The following NUFIP2 variants were observed in gnomAD, a reference collection of about 807,000 sequenced individuals.
The protein encoded by NUFIP2 is nuclear FMR1 interacting protein 2.
Under a neutral mutation model 56.9 loss-of-function variants are expected in NUFIP2, and 6 were observed. The ratio of observed to expected loss-of-function variants is 0.11; its 90% CI spans 0.06 to 0.21. The LOEUF is 0.21. Ranked by LOEUF, NUFIP2 falls within the 10% of genes least tolerant of loss-of-function variation. NUFIP2 has a pLI of 1.00. For missense variants in NUFIP2, 828 were observed against 826.8 expected (o/e 1.00, Z -0.02); for synonymous variants, 321 against 298.2 (o/e 1.08, Z -0.79).
chr17:29,280,780 G>T (rs2069134810), intron 2 of NUFIP2, among the ~76,000 whole-genome samples: 1 of 152,032 alleles, frequency 6.6e-6, no homozygotes, highest in African/African-American at 2.4e-5. Context: ...GAGGTCAAGA[G>T]TTCAAGACCA....
chr17:29,284,542 C>G (rs2069159383), intron 2 of NUFIP2, among the ~76,000 whole-genome samples: 1 of 151,418 alleles, frequency 6.6e-6, no homozygotes, highest in African/African-American at 2.4e-5. Context: ...CTCATCTCTA[C>G]TAAAAATATA....
At chr17:29,292,079 A>G (rs546305810) in intron 1 of NUFIP2, among the ~76,000 whole-genome samples, 16 of 152,332 alleles carry the variant, frequency 1.1e-4, no homozygotes, top group Admixed American at 7.8e-4. Flanking sequence ...ATAAACTATT[A>G]AACTCACTTC....
At chr17:29,280,721 C>G (rs549681234) in intron 2 of NUFIP2, among the ~76,000 whole-genome samples, 1 of 152,262 alleles carries the variant, frequency 6.6e-6, no homozygotes, top group East Asian at 1.9e-4. Context: ...TGTGGTGGCT[C>G]ATGCCTGTAA....
At chr17:29,280,484 AAG>A (rs930175193) in intron 2 of NUFIP2, among the ~76,000 whole-genome samples, 2 of 150,994 alleles carry the variant, frequency 1.3e-5, no homozygotes, top group African/African-American at 4.9e-5. Flanking sequence ...CCCAATACTT[AAG>A]GAGGCTGAAG....
chr17:29,263,782 A>G lies in NUFIP2; in HGVS notation c.*757T>C, dbSNP rs889030115. 2.6e-5 allele frequency: 4 copies of G among 152,610 alleles called. No homozygotes were observed. The highest frequency in any genetic ancestry group is 7.2e-5 in the African/African-American group (3 of 41,448). 9.5% of individuals were successfully genotyped at this position (152,610 alleles called of 1,614,324 possible). On this transcript the variant is annotated 3_prime_UTR_variant, in exon 4 of 4. Coordinates refer to ENST00000225388, the MANE Select transcript of NUFIP2 (RefSeq NM_020772.3). ...GACACGCATAGATTCTTCAGTTGTT[A>G]AAGTCCAATATGTAACCGAAGCCAA...
intron 1 of NUFIP2, among the ~76,000 whole-genome samples, chr17:29,291,126 A>G (rs1371589784): frequency 6.6e-6 from 1 of 152,026 alleles, no homozygotes; most frequent in Non-Finnish European, 1.5e-5. Context: ...AGTATGCTGG[A>G]AAGAAATTTT....
chr17:29,267,150 C>A (rs930993674), intron 3 of NUFIP2, among the ~76,000 whole-genome samples: 9 of 151,748 alleles, frequency 5.9e-5, no homozygotes, highest in African/African-American at 2.2e-4. Flanking sequence ...GTGATCCACC[C>A]GCCTCAGCCT....
chr17:29,275,907 A>C (rs1358775602), intron 2 of NUFIP2, among the ~76,000 whole-genome samples: 1 of 151,904 alleles, frequency 6.6e-6, no homozygotes, highest in Non-Finnish European at 1.5e-5. Flanking sequence ...GCGTGCCTGT[A>C]ATCCCAGCTA....
intron 1 of NUFIP2, among the ~76,000 whole-genome samples, chr17:29,289,901 G>A (rs767136716): frequency 6.6e-6 from 1 of 152,104 alleles, no homozygotes; most frequent in Admixed American, 6.5e-5. Flanking sequence ...CTTGTACCAC[G>A]AGAGAATACA....
intron 2 of NUFIP2, 139 bp from the exon 3 acceptor site, chr17:29,267,669 A>C (rs34178472): frequency 0.052 from 28,246 of 547,872 alleles, 1,139 homozygotes; most frequent in South Asian, 0.16. Flanking sequence ...AATTCTATGA[A>C]GTTCAGATAA....
rs1207249697 is a variant in NUFIP2, at chr17:29,263,166, T to C, written c.*1373A>G. ...ACAACTTGTTATTATGTTACTAACA[T>C]CACCCAATCTCAATTGGACCCTTAA... is the stretch of plus-strand genomic sequence containing the variant. On this transcript the variant is annotated 3_prime_UTR_variant, in exon 4 of 4. Coordinates refer to ENST00000225388, the MANE Select transcript of NUFIP2 (RefSeq NM_020772.3). 1 of 152,624 alleles carries C rather than the reference T, an allele frequency of 6.6e-6. No homozygotes were observed. The highest frequency in any genetic ancestry group is 1.5e-5 in the Non-Finnish European group (1 of 68,038). The allele number at this position is 152,624 out of a possible 1,614,324, so 9.5% of individuals were successfully genotyped here.
intron 2 of NUFIP2, among the ~76,000 whole-genome samples, chr17:29,270,320 T>C (rs2069063970): frequency 2.8e-5 from 3 of 108,218 alleles, no homozygotes; most frequent in Admixed American, 1.9e-4. Context: ...CAATCTAACC[T>C]GGAGAAAAAA....
At chr17:29,271,561 A>G (rs565938971) in intron 2 of NUFIP2, among the ~76,000 whole-genome samples, 1 of 151,976 alleles carries the variant, frequency 6.6e-6, no homozygotes, top group Non-Finnish European at 1.5e-5. Flanking sequence ...AAAAGTAAAG[A>G]AAGAAATCAG....
chr17:29,274,974 T>C (rs1227141223), intron 2 of NUFIP2, among the ~76,000 whole-genome samples: 1 of 152,058 alleles, frequency 6.6e-6, no homozygotes, highest in Non-Finnish European at 1.5e-5. Flanking sequence ...TTCAATTTAA[T>C]ATACATAGAA....
Position 29,266,430 on chromosome 17 carries a change from T to C in NUFIP2, c.2035+1068A>G, listed in dbSNP as rs547462555. 5.9e-5 allele frequency among the ~76,000 whole-genome samples: 9 copies of C among 152,098 alleles called. No homozygotes were observed. The South Asian group carries it at 1.7e-3, about 28-fold the overall frequency. On this transcript the variant is annotated intron_variant, in intron 3 of 3. Coordinates refer to ENST00000225388, the MANE Select transcript of NUFIP2 (RefSeq NM_020772.3). ...CTCACTGGGCCTCACTTTCCTAATA[T>C]GTAAAATAAGAGAAATTTCTACACA...
intron 3 of NUFIP2, among the ~76,000 whole-genome samples, chr17:29,265,428 G>T (rs1350057960): frequency 6.9e-6 from 1 of 144,636 alleles, no homozygotes; most frequent in Non-Finnish European, 1.5e-5. Flanking sequence ...TCAGCCTCCC[G>T]AGTAGCTGGG....
In NUFIP2 at chr17:29,270,324, GAAAA is replaced by G. The variant is rs386385865; in HGVS notation, c.2003-2798_2003-2795del. On this transcript the variant is annotated intron_variant, in intron 2 of 3. Coordinates refer to ENST00000225388, the MANE Select transcript of NUFIP2 (RefSeq NM_020772.3). ...AGAACTATAATCAATCTAACCTGGA[GAAAA>G]AAAAAAAAAAAAAGATGACGATCGG... Among the ~76,000 whole-genome samples the G allele has an allele frequency of 2.1e-3, 170 of 81,408 alleles. 1 individual carries two copies. Among genetic ancestry groups the G allele is most frequent in the Non-Finnish European group, 4.9e-4 (18 of 37,004 alleles). 53.4% of individuals were successfully genotyped at this position (81,408 alleles called of 152,430 possible).
Position 29,293,780 on chromosome 17 carries a change from G to A in NUFIP2, c.277+3C>T. 2 of 1,103,136 alleles carry A rather than the reference G, an allele frequency of 1.8e-6. No homozygotes were observed. Among genetic ancestry groups the A allele is most frequent in the Non-Finnish European group, 1.2e-6 (1 of 817,822 alleles). 68.3% of individuals were successfully genotyped at this position (1,103,136 alleles called of 1,614,324 possible). ...CTTCCCCCACCCGTCCTCCCTCCCA[G>A]ACCTGTTTTCTTCTTCGGCGTTTCC... On this transcript the variant is annotated splice_donor_region_variant and intron_variant, in intron 1 of 3. Coordinates refer to ENST00000225388, the MANE Select transcript of NUFIP2 (RefSeq NM_020772.3).
chr17:29,289,284 GGTCAA>G (rs1357356185), intron 1 of NUFIP2, among the ~76,000 whole-genome samples: 4 of 152,134 alleles, frequency 2.6e-5, no homozygotes, highest in South Asian at 2.1e-4. Flanking sequence ...AGCATCTTGA[GGTCAA>G]GTCATTAGAA....
Sources: allele counts gnomAD v4.1 joint callset (sites outside exome capture counted in the v4.1 genomes callset), GRCh38; gene constraint gnomAD v4.1.1; transcripts MANE v1.5; gene names NCBI Gene and HGNC (gene_info 2026-07-23, HGNC 2026-07-21).